KCNQ5: variants seen among roughly 807,000 people sequenced by gnomAD.
KCNQ5 encodes potassium voltage-gated channel subfamily Q member 5.
Under a neutral mutation model 98.2 loss-of-function variants are expected in KCNQ5, and 30 were observed. That is an observed-to-expected ratio of 0.31 (90% CI 0.23 to 0.41). The LOEUF (loss-of-function observed/expected upper bound fraction) is 0.41, where lower values mean the gene tolerates loss of function less well. Among genes scored for constraint, KCNQ5 ranks in the 10% least tolerant of loss-of-function variants. The pLI is 1.00. For missense variants in KCNQ5, 835 were observed against 1,182.5 expected (o/e 0.71, Z 4.31); for synonymous variants, 458 against 449.4 (o/e 1.02, Z -0.24).
intron 1 of KCNQ5, among the ~76,000 whole-genome samples, chr6:72,689,402 G>A (rs1768104303): frequency 6.6e-6 from 1 of 152,212 alleles, no homozygotes; most frequent in Non-Finnish European, 1.5e-5. Context: ...CTCATCCAAA[G>A]TGGTCATTTG....
Position 72,905,198 on chromosome 6 carries a change from T to G in KCNQ5, c.399-98710T>G, listed in dbSNP as rs546436124. ...CTTTCCAGGGCATTTTGCATTTCTA[T>G]AAGTGCATCCGATGCTTCCGGAAGT... On this transcript the variant is annotated intron_variant, in intron 1 of 13. Transcript: ENST00000370398. 3.3e-5 allele frequency among the ~76,000 whole-genome samples: 5 copies of G among 152,334 alleles called. No individual in the cohort carries two copies. The South Asian group carries it at 1.0e-3, about 32-fold the overall frequency.
At chr6:72,867,701 G>T (rs1007715842) in intron 1 of KCNQ5, among the ~76,000 whole-genome samples, 3 of 152,036 alleles carry the variant, frequency 2.0e-5, no homozygotes, top group Admixed American at 1.3e-4. Context: ...ACTTTGGGAG[G>T]CTGAGGTGGG....
chr6:72,624,488 A>G (rs1420508274), intron 1 of KCNQ5, among the ~76,000 whole-genome samples: 1 of 152,202 alleles, frequency 6.6e-6, no homozygotes, highest in Non-Finnish European at 1.5e-5. Context: ...TTGTTCTTGA[A>G]CATGAATGAG....
In KCNQ5 at chr6:73,055,343, C is replaced by T. The variant is rs117541018; in HGVS notation, c.616+13281C>T. 6.1e-5 allele frequency: 88 copies of T among 1,437,460 alleles called. 1 individual carries two copies. Among genetic ancestry groups the T allele is most frequent in the South Asian group, 1.1e-4 (10 of 87,508 alleles). The allele number at this position is 1,437,460 out of a possible 1,614,324, so 89.0% of individuals were successfully genotyped here. On this transcript the variant is annotated intron_variant, in intron 3 of 13. Transcript: ENST00000370398. ...GTAGCTGCCAATAGTGAGGACTTGG[C>T]GCCTCAATGAGCAGCACTATGGGGC... is the stretch of plus-strand genomic sequence containing the variant.
chr6:72,815,863 G>A (rs1775488118), intron 1 of KCNQ5, among the ~76,000 whole-genome samples: 1 of 152,182 alleles, frequency 6.6e-6, no homozygotes, highest in Non-Finnish European at 1.5e-5. Context: ...TTGATGGAAA[G>A]ATGACAAGTT....
intron 3 of KCNQ5, among the ~76,000 whole-genome samples, chr6:73,073,688 A>G (rs146766868): frequency 4.2e-4 from 64 of 152,322 alleles, no homozygotes; most frequent in Middle Eastern, 3.4e-3. Context: ...TTGACAGTCA[A>G]TTAACTACTT....
At chr6:72,831,780 A>T (rs1776284983) in intron 1 of KCNQ5, among the ~76,000 whole-genome samples, 1 of 152,068 alleles carries the variant, frequency 6.6e-6, no homozygotes, top group African/African-American at 2.4e-5. Flanking sequence ...TGTCTTTAAG[A>T]GACGGACATT....
At chr6:73,019,749 G>A (rs530578318) in intron 2 of KCNQ5, among the ~76,000 whole-genome samples, 15 of 152,218 alleles carry the variant, frequency 9.9e-5, no homozygotes, top group African/African-American at 3.4e-4. Flanking sequence ...GTTATATGGT[G>A]TTAAAGTTAG....
intron 1 of KCNQ5, among the ~76,000 whole-genome samples, chr6:72,933,580 G>T (rs1385954871): frequency 6.6e-6 from 1 of 152,152 alleles, no homozygotes; most frequent in Non-Finnish European, 1.5e-5. Context: ...CTACTTGATT[G>T]TTTCAAATTA....
chr6:72,898,744 T>G (rs1375379037), intron 1 of KCNQ5, among the ~76,000 whole-genome samples: 2 of 152,168 alleles, frequency 1.3e-5, no homozygotes, highest in African/African-American at 2.4e-5. Context: ...CTTGAGGAAT[T>G]GCCACACTGT....
chr6:73,168,828 G>A (rs928136602), intron 10 of KCNQ5, among the ~76,000 whole-genome samples: 1 of 152,106 alleles, frequency 6.6e-6, no homozygotes, highest in South Asian at 2.1e-4. Context: ...AGAAAATACA[G>A]GCAAGCAAAA....
rs112196320 is a variant in KCNQ5 at position 73,036,023 on chromosome 6, G to C, written c.490-5913G>C. The stretch of plus-strand genomic sequence containing the variant: ...TGTGTGTGTGTGTGTGTGTGTGTGT[G>C]TGTGTGTATTGGCTCTGTACAGTTT... On this transcript the variant is annotated intron_variant, in intron 2 of 13. Coordinates refer to ENST00000370398, the MANE Select transcript of KCNQ5 (RefSeq NM_019842.4). 4.4e-3 allele frequency among the ~76,000 whole-genome samples: 636 copies of C among 146,086 alleles called. 3 individuals carry two copies. Among genetic ancestry groups the C allele is most frequent in the African/African-American group, 0.015 (605 of 40,052 alleles).
At chr6:72,651,041 A>G (rs1345070984) in intron 1 of KCNQ5, among the ~76,000 whole-genome samples, 1 of 152,104 alleles carries the variant, frequency 6.6e-6, no homozygotes, top group Non-Finnish European at 1.5e-5. Context: ...TGTTTTGTAA[A>G]TGATAAATTG....
intron 1 of KCNQ5, among the ~76,000 whole-genome samples, chr6:72,746,277 A>G (rs899001156): frequency 2.0e-5 from 3 of 152,256 alleles, no homozygotes; most frequent in South Asian, 2.1e-4. Flanking sequence ...AATTTCATCA[A>G]GATTATTCCC....
chr6:73,071,872 T>C (rs1279397984), intron 3 of KCNQ5, among the ~76,000 whole-genome samples: 1 of 152,198 alleles, frequency 6.6e-6, no homozygotes, highest in Non-Finnish European at 1.5e-5. Context: ...CATAAGTAAT[T>C]GGTTAATTAA....
chr6:72,622,228 C>G lies in KCNQ5; in HGVS notation c.39C>G (p.Ala13=). The G allele has an allele frequency of 8.1e-7, 1 of 1,236,538 alleles. No homozygotes were observed. The highest frequency in any genetic ancestry group is 3.1e-4 in the Middle Eastern group (1 of 3,240). 76.6% of individuals were successfully genotyped at this position (1,236,538 alleles called of 1,614,324 possible). A position where few individuals can be genotyped will look rare whatever the true frequency, so the allele number is the denominator to read the frequency against. ...RHHAGGEEGG[A]AGLWVKSGAA... is the part of the protein sequence containing the mutation. Reference sequence around the variant, plus strand: ...ACGCGGGAGGAGAGGAGGGCGGCGCCGCCGGGCTCTGGGTGAAGAGCGGCG... The same window carrying G: ...ACGCGGGAGGAGAGGAGGGCGGCGCGGCCGGGCTCTGGGTGAAGAGCGGCG... Residue 13 remains alanine (A), a synonymous_variant, in exon 1 of 14, where the codon GCC becomes GCG. Coordinates refer to ENST00000370398, the MANE Select transcript of KCNQ5 (RefSeq NM_019842.4). The surrounding 1 kb of genome is among the most constrained non-coding windows in gnomAD (Gnocchi z 6.0).
At chr6:73,041,700 G>A (rs920424743) in intron 2 of KCNQ5, among the ~76,000 whole-genome samples, 5 of 152,050 alleles carry the variant, frequency 3.3e-5, no homozygotes, top group African/African-American at 4.8e-5. Context: ...CCAAATTTAC[G>A]AAGCATTAAT....
At chr6:73,091,315 C>T (rs984048656) in intron 5 of KCNQ5, among the ~76,000 whole-genome samples, 1 of 151,928 alleles carries the variant, frequency 6.6e-6, no homozygotes, top group Non-Finnish European at 1.5e-5. Context: ...CACACCAGGG[C>T]CTGTCAGGGG....
chr6:73,121,012 A>G (rs1411762349), intron 8 of KCNQ5, among the ~76,000 whole-genome samples: 1 of 152,100 alleles, frequency 6.6e-6, no homozygotes, highest in African/African-American at 2.4e-5. Context: ...TCTCATCTGG[A>G]TCCTCTCTGG....
Sources: gnomAD v4.1 joint callset for allele counts (sites outside exome capture counted in the v4.1 genomes callset) on GRCh38, gnomAD v4.1.1 for gene constraint, Gnocchi (gnomAD v3.1) non-coding constraint, MANE v1.5 for transcripts, NCBI Gene and HGNC (gene_info 2026-07-23, HGNC 2026-07-21) for gene names.